CLIP2: variants seen among roughly 807,000 people sequenced by gnomAD.
The protein encoded by CLIP2 is CAP-Gly domain-containing linker protein 2.
In CLIP2, 41 loss-of-function variants were observed where a neutral mutation model predicts 111.7. The observed-to-expected ratio is 0.37, with a 90% CI of 0.29 to 0.48. CLIP2 has a LOEUF of 0.48. Among genes scored for constraint, CLIP2 ranks in the 20% least tolerant of loss-of-function variants. The probability of loss-of-function intolerance (pLI) is 0.99; values close to 1 mark genes in which losing one functional copy is unlikely to be tolerated. For missense variants in CLIP2, 1,160 were observed against 1,422.1 expected, an observed-to-expected ratio of 0.82 and a Z score of 2.96; for synonymous variants, 660 against 644.2, an observed-to-expected ratio of 1.02 and a Z score of -0.37.
chr7:74,303,597 T>A (rs1554727187), intron 1 of CLIP2, among the ~76,000 whole-genome samples: 2 of 149,656 alleles, frequency 1.3e-5, no homozygotes, highest in Admixed American at 6.7e-5. Context: ...GTCTCTTATT[T>A]TTTTTTTTTT....
intron 3 of CLIP2, among the ~76,000 whole-genome samples, chr7:74,349,453 T>A: frequency 1.4e-5 from 1 of 69,910 alleles, no homozygotes; most frequent in African/African-American, 4.9e-5. Flanking sequence ...AAAAAGTATG[T>A]ATGTGTGTGT....
intron 3 of CLIP2, among the ~76,000 whole-genome samples, chr7:74,353,345 G>C (rs1172672250): frequency 6.6e-6 from 1 of 151,668 alleles, no homozygotes; most frequent in Non-Finnish European, 1.5e-5. Context: ...CCACCTCCTG[G>C]GTTCATGCCA....
At chr7:74,349,445 A>C (rs517074) in intron 3 of CLIP2, among the ~76,000 whole-genome samples, 2 of 79,646 alleles carry the variant, frequency 2.5e-5, no homozygotes, top group Non-Finnish European at 6.0e-5. Context: ...AAAAAAAAAA[A>C]AAGTATGTAT....
chr7:74,305,158 G>A (rs1235263172), intron 1 of CLIP2, among the ~76,000 whole-genome samples: 2 of 152,128 alleles, frequency 1.3e-5, no homozygotes, highest in African/African-American at 4.8e-5. Context: ...TCCCTGTCCA[G>A]CCCAGGCACT....
chr7:74,315,556 T>C (rs1554729028), intron 1 of CLIP2, among the ~76,000 whole-genome samples: 1 of 151,914 alleles, frequency 6.6e-6, no homozygotes, highest in Non-Finnish European at 1.5e-5. Context: ...TTGTTTTTTC[T>C]TTTTTTCTTT....
intron 1 of CLIP2, among the ~76,000 whole-genome samples, chr7:74,311,253 A>AC (rs1788634415): frequency 6.6e-6 from 1 of 152,208 alleles, no homozygotes; most frequent in South Asian, 2.1e-4. Context: ...TGCCGGGATT[A>AC]CAGGCATGAG....
At chr7:74,310,342 T>C (rs755408606) in intron 1 of CLIP2, among the ~76,000 whole-genome samples, 10 of 151,698 alleles carry the variant, frequency 6.6e-5, no homozygotes, top group Non-Finnish European at 1.5e-4. Flanking sequence ...TTTGGCAACA[T>C]AGTGAGACTC....
intron 2 of CLIP2, among the ~76,000 whole-genome samples, chr7:74,329,096 T>TG (rs1461660500): frequency 3.4e-5 from 5 of 146,754 alleles, no homozygotes; most frequent in Non-Finnish European, 6.0e-5. Flanking sequence ...GGTTTTTTTT[T>TG]TTTTTTTTTT....
chr7:74,392,133 C>T (rs377384624), intron 13 of CLIP2, among the ~76,000 whole-genome samples: 4 of 150,900 alleles, frequency 2.7e-5, no homozygotes, highest in Non-Finnish European at 5.9e-5. Context: ...AGGCAGATCA[C>T]GAGGTCAGGA....
At chr7:74,307,521 C>T (rs947008842) in intron 1 of CLIP2, among the ~76,000 whole-genome samples, 1 of 152,042 alleles carries the variant, frequency 6.6e-6, no homozygotes, top group Admixed American at 6.6e-5. Flanking sequence ...GTTTGAGTGT[C>T]GATCTGTCGC....
chr7:74,403,738 C>CA, intron 16 of CLIP2, 99 bp from the exon 17 acceptor site: 1 of 1,235,816 alleles, frequency 8.1e-7, no homozygotes, highest in South Asian at 1.2e-5. Context: ...GCTCCTCCCC[C>CA]ACCCGGCCCC....
At chr7:74,349,469 T>TATATAC in intron 3 of CLIP2, among the ~76,000 whole-genome samples, 1 of 55,550 alleles carries the variant, frequency 1.8e-5, no homozygotes, top group Non-Finnish European at 3.5e-5. Context: ...TGTGTGTGTG[T>TATATAC]GTATATATAT....
Position 74,376,312 on chromosome 7 carries a change from G to C in CLIP2, c.1911G>C (p.Ser637=). The change falls in exon 10 of 17, where the codon TCG becomes TCC. Residue 637 remains serine, a synonymous_variant. Transcript: ENST00000223398. This position sits in a 1 kb window ranked among gnomAD's most constrained non-coding sequence, Gnocchi z 7.1. ...AGGACCTCAAAGCCACCCTGAACTC[G>C]GGCCCAGGCGCCCAGCAGAAGGAGA... ...SLEDLKATLN[S]GPGAQQKEIG... 1 of 1,613,892 alleles carries C rather than the reference G, an allele frequency of 6.2e-7. No homozygotes were observed.
chr7:74,328,094 A>G (rs573296), intron 2 of CLIP2, among the ~76,000 whole-genome samples: 94,845 of 151,698 alleles, frequency 0.63, 31,214 homozygotes, highest in Middle Eastern at 0.74. Context: ...GCCTGGGGTG[A>G]CCACAGGAGA....
In CLIP2 at chr7:74,357,277, C is replaced by T; in HGVS notation, c.1018-3C>T. The T allele has an allele frequency of 6.2e-7, 1 of 1,613,742 alleles. No individual in the cohort carries two copies. On this transcript the variant is annotated splice_polypyrimidine_tract_variant and splice_region_variant and intron_variant, in intron 5 of 16. Transcript: ENST00000223398. The stretch of plus-strand genomic sequence containing the variant: ...ACCCGCCTGCATCCACACCTTCCTG[C>T]AGCTCACGGAGACCTCTTCACGCTA...
At chr7:74,354,541 G>A (rs1790096205) in intron 4 of CLIP2, among the ~76,000 whole-genome samples, 1 of 152,114 alleles carries the variant, frequency 6.6e-6, no homozygotes, top group East Asian at 1.9e-4. Flanking sequence ...CTTGAACTGG[G>A]GAGGCGTCGG....
intron 8 of CLIP2, among the ~76,000 whole-genome samples, chr7:74,367,419 T>G (rs1441626992): frequency 6.6e-6 from 1 of 152,166 alleles, no homozygotes; most frequent in East Asian, 1.9e-4. Flanking sequence ...CTCAATCTCC[T>G]GACCTCATGA....
At chr7:74,317,747 C>T in intron 2 of CLIP2, 80 bp downstream of exon 2, 1 of 1,340,336 alleles carries the variant, frequency 7.5e-7, no homozygotes, top group South Asian at 2.2e-5. Flanking sequence ...CCCAGGAGCA[C>T]AGGCCACTCT....
At chr7:74,371,295 G>A (rs1200856314) in intron 8 of CLIP2, among the ~76,000 whole-genome samples, 4 of 151,442 alleles carry the variant, frequency 2.6e-5, no homozygotes, top group Non-Finnish European at 5.9e-5. Flanking sequence ...TTTGGAGTGG[G>A]ACCGAATGAA....
Sources: gnomAD v4.1 joint callset for allele counts (sites outside exome capture counted in the v4.1 genomes callset) on GRCh38, gnomAD v4.1.1 for gene constraint, Gnocchi (gnomAD v3.1) non-coding constraint, MANE v1.5 for transcripts, NCBI Gene and HGNC (gene_info 2026-07-23, HGNC 2026-07-21) for gene names.